THSD7B: variants seen among roughly 807,000 people sequenced by gnomAD.
The protein encoded by THSD7B is thrombospondin type-1 domain-containing protein 7B.
Under a neutral mutation model 213.6 loss-of-function variants are expected in THSD7B, and 138 were observed. The observed-to-expected ratio is 0.65, with a 90% CI of 0.56 to 0.74. The LOEUF is 0.74. Among genes scored for constraint, THSD7B ranks in the 30% least tolerant of loss-of-function variants. The pLI is 0.00. For missense variants in THSD7B, 1,931 were observed against 1,991.5 expected (o/e 0.97, Z 0.58); for synonymous variants, 742 against 687.0 (o/e 1.08, Z -1.25).
intron 15 of THSD7B, among the ~76,000 whole-genome samples, chr2:137,549,955 C>A (rs572507430): frequency 9.9e-5 from 15 of 152,100 alleles, no homozygotes; most frequent in African/African-American, 3.6e-4. Context: ...TAACTACAAT[C>A]TGTTCTATGA....
At chr2:136,797,921 T>C (rs1001245293) in intron 1 of THSD7B, among the ~76,000 whole-genome samples, 5 of 152,044 alleles carry the variant, frequency 3.3e-5, no homozygotes, top group African/African-American at 9.7e-5. Flanking sequence ...CTGTTTGTTA[T>C]GTCTGACTTC....
chr2:136,852,568 A>T (rs1197729557), intron 1 of THSD7B, among the ~76,000 whole-genome samples: 1 of 152,138 alleles, frequency 6.6e-6, no homozygotes, highest in Non-Finnish European at 1.5e-5. Flanking sequence ...TTAGATGATG[A>T]GTATTGTTTT....
chr2:137,572,355 T>C (rs1399720839), intron 16 of THSD7B, 51 bp from the exon 17 acceptor site: 3 of 1,592,944 alleles, frequency 1.9e-6, no homozygotes, highest in Admixed American at 1.7e-5. Context: ...ATTTTAAATA[T>C]ACTCTCCACT....
At chr2:137,380,283 G>T (rs1685744974) in intron 12 of THSD7B, among the ~76,000 whole-genome samples, 1 of 151,988 alleles carries the variant, frequency 6.6e-6, no homozygotes, top group African/African-American at 2.4e-5. Context: ...GCCACGCATG[G>T]TGGTACACAA....
At chr2:137,653,563 A>C (rs1030573019) in intron 21 of THSD7B, among the ~76,000 whole-genome samples, 1 of 149,274 alleles carries the variant, frequency 6.7e-6, no homozygotes, top group Non-Finnish European at 1.5e-5. Context: ...AATAAATCCT[A>C]GATTTGGTCT....
chr2:137,363,025 C>A (rs564064325), intron 12 of THSD7B, among the ~76,000 whole-genome samples: 1 of 152,170 alleles, frequency 6.6e-6, no homozygotes, highest in East Asian at 1.9e-4. Flanking sequence ...ACAGAAATCA[C>A]AACAAACTGT....
intron 9 of THSD7B, among the ~76,000 whole-genome samples, chr2:137,237,147 A>C (rs1179744944): frequency 6.6e-6 from 1 of 151,364 alleles, no homozygotes; most frequent in East Asian, 1.9e-4. Context: ...TGAAGCCTAC[A>C]GTGAGGCCAA....
At position 136,853,023 on chromosome 2, in the gene THSD7B, T is replaced by C. The variant is rs1264673509; in HGVS notation, c.-35-29121T>C. On this transcript the variant is annotated intron_variant, in intron 1 of 27. Transcript: ENST00000409968. ...TATTTCCCCATCCCACCACTTTGCA[T>C]GTGTGTGTGTGTGCATGTGTGTGTG... 1.3e-5 allele frequency among the ~76,000 whole-genome samples: 2 copies of C among 151,468 alleles called. 1 individual carries two copies. The highest frequency in any genetic ancestry group is 1.3e-4 in the Admixed American group (2 of 15,190).
chr2:137,270,172 A>AG (rs66575749), intron 10 of THSD7B, among the ~76,000 whole-genome samples: 95,060 of 151,954 alleles, frequency 0.63, 30,489 homozygotes, highest in East Asian at 0.95. Flanking sequence ...GGCAATACAG[A>AG]GATGGAATCT....
At chr2:137,534,942 T>C (rs1461959449) in intron 15 of THSD7B, among the ~76,000 whole-genome samples, 3 of 151,812 alleles carry the variant, frequency 2.0e-5, no homozygotes, top group Admixed American at 2.0e-4. Flanking sequence ...CCTCCTATAA[T>C]TGAAACTTGA....
intron 15 of THSD7B, among the ~76,000 whole-genome samples, chr2:137,470,910 C>CTTTTTTTTTTTTTTTTTTTTTTTTTT (rs70978226): frequency 2.5e-5 from 3 of 119,824 alleles, no homozygotes; most frequent in Non-Finnish European, 3.4e-5. Flanking sequence ...TTTTTCTTTA[C>CTTTTTTTTTTTTTTTTTTTTTTTTTT]TTTTTTTTTT....
At chr2:137,033,678 T>A (rs568672859) in intron 2 of THSD7B, among the ~76,000 whole-genome samples, 2 of 152,208 alleles carry the variant, frequency 1.3e-5, no homozygotes, top group South Asian at 4.1e-4. Flanking sequence ...AGTGGCACAA[T>A]CTCGGCTCAC....
At chr2:137,317,486 C>G (rs17677001) in intron 12 of THSD7B, among the ~76,000 whole-genome samples, 6,018 of 152,282 alleles carry the variant, frequency 0.04, 145 homozygotes, top group Non-Finnish European at 0.055. Flanking sequence ...CATAAGTACT[C>G]TAGAGCATTC....
intron 2 of THSD7B, among the ~76,000 whole-genome samples, chr2:136,917,903 A>T (rs536411328): frequency 3.3e-5 from 5 of 152,334 alleles, no homozygotes; most frequent in African/African-American, 1.2e-4. Flanking sequence ...CTTTAGCTGA[A>T]ATATACTGGC....
In THSD7B at chr2:137,456,828, A is replaced by C. The variant is rs1274748770; in HGVS notation, c.3138+5805A>C. On this transcript the variant is annotated intron_variant, in intron 15 of 27. Coordinates refer to ENST00000409968, the MANE Select transcript of THSD7B (RefSeq NM_001316349.2). ...ATTTAATTTAGAAGACAAAACCCCT[A>C]AAACATTTTACCTCTCTCTGCATAG... 1.3e-5 allele frequency among the ~76,000 whole-genome samples: 2 copies of C among 152,230 alleles called. 1 individual carries two copies. Among genetic ancestry groups the C allele is most frequent in the Middle Eastern group, 6.3e-3 (2 of 316 alleles).
At chr2:137,388,151 C>T (rs1015307725) in intron 12 of THSD7B, among the ~76,000 whole-genome samples, 1 of 151,984 alleles carries the variant, frequency 6.6e-6, no homozygotes, top group African/African-American at 2.4e-5. Context: ...TTTTTTCCTA[C>T]CATTTCTTAC....
intron 12 of THSD7B, among the ~76,000 whole-genome samples, chr2:137,325,167 T>TTTTTTG (rs58701499): frequency 0.07 from 10,621 of 151,758 alleles, 439 homozygotes; most frequent in African/African-American, 0.11. Context: ...TGTTTTTTGT[T>TTTTTTG]TTTTTGTTTT....
intron 3 of THSD7B, among the ~76,000 whole-genome samples, chr2:137,078,579 C>T (rs1307343389): frequency 6.6e-6 from 1 of 151,954 alleles, no homozygotes; most frequent in Non-Finnish European, 1.5e-5. Context: ...ATTTTGTCTA[C>T]TATTTTTATA....
At chr2:137,634,511 A>T (rs79088983) in intron 20 of THSD7B, among the ~76,000 whole-genome samples, 1,525 of 152,244 alleles carry the variant, frequency 0.01, 32 homozygotes, top group African/African-American at 0.035. Context: ...TATTATTCTT[A>T]TATTTCCTTT....
Sources: gnomAD v4.1 joint callset for allele counts (sites outside exome capture counted in the v4.1 genomes callset) on GRCh38, gnomAD v4.1.1 for gene constraint, MANE v1.5 for transcripts, NCBI Gene and HGNC (gene_info 2026-07-23, HGNC 2026-07-21) for gene names.